The following GSR variants were observed in gnomAD, a reference collection of about 807,000 sequenced individuals.
GSR encodes the protein glutathione reductase, mitochondrial.
In GSR, 48 loss-of-function variants were observed where a neutral mutation model predicts 56.5. The ratio of observed to expected loss-of-function variants is 0.85; its 90% CI spans 0.67 to 1.08. The LOEUF (loss-of-function observed/expected upper bound fraction) is 1.08. Among genes scored for constraint, GSR ranks in the 50% least tolerant of loss-of-function variants. The pLI is 0.00. For missense variants in GSR, 694 were observed against 703.3 expected (o/e 0.99, Z 0.15); for synonymous variants, 264 against 270.8 (o/e 0.97, Z 0.25).
intron 1 of GSR, among the ~76,000 whole-genome samples, chr8:30,718,747 C>A (rs945580118): frequency 6.6e-6 from 1 of 151,914 alleles, no homozygotes; most frequent in Admixed American, 6.6e-5. Context: ...GGATAAGAAA[C>A]AAGTTTCTTT....
intron 1 of GSR, among the ~76,000 whole-genome samples, chr8:30,723,838 A>C (rs1314228384): frequency 6.6e-6 from 1 of 152,006 alleles, no homozygotes; most frequent in African/African-American, 2.4e-5. Flanking sequence ...GCTGGGACCT[A>C]GTACAGGAGA....
At position 30,722,453 on chromosome 8, in the gene GSR, C is replaced by T. The variant is rs138965200; in HGVS notation, c.306+5077G>A. Among the ~76,000 whole-genome samples the T allele has an allele frequency of 3.8e-3, 583 of 152,192 alleles. 2 individuals are homozygous for T. Among genetic ancestry groups the T allele is most frequent in the African/African-American group, 0.013 (546 of 41,516 alleles). ...TAATAATGCATGTTCAGGCTGGGCACGGTGGCTCATGCCTGTAATCCCAGC... is the reference window on the plus strand; with the variant it reads ...TAATAATGCATGTTCAGGCTGGGCATGGTGGCTCATGCCTGTAATCCCAGC... On this transcript the variant is annotated intron_variant, in intron 1 of 12. Transcript: ENST00000221130.
chr8:30,711,789 C>T (rs192469968), intron 2 of GSR, among the ~76,000 whole-genome samples: 4 of 151,954 alleles, frequency 2.6e-5, no homozygotes, highest in East Asian at 3.9e-4. Context: ...GCCAAGATCG[C>T]GCCACTGTAC....
intron 12 of GSR, 127 bp from the exon 13 acceptor site, chr8:30,679,796 C>T (rs1187446097): frequency 7.3e-6 from 6 of 816,374 alleles, no homozygotes; most frequent in Admixed American, 2.2e-5. Context: ...ACCTCCACCT[C>T]CCGGGTTCAA....
chr8:30,718,207 G>A (rs1804403816), intron 1 of GSR, among the ~76,000 whole-genome samples: 1 of 152,132 alleles, frequency 6.6e-6, no homozygotes, highest in Non-Finnish European at 1.5e-5. Flanking sequence ...TGGAAAAATT[G>A]TCTTCCACAA....
chr8:30,718,074 C>G (rs928414812), intron 1 of GSR, among the ~76,000 whole-genome samples: 1 of 151,660 alleles, frequency 6.6e-6, no homozygotes, highest in Non-Finnish European at 1.5e-5. Context: ...GCACTCCAGC[C>G]TGGGCAACAA....
chr8:30,710,973 A>G (rs567282434), intron 2 of GSR, among the ~76,000 whole-genome samples: 1 of 152,174 alleles, frequency 6.6e-6, no homozygotes, highest in African/African-American at 2.4e-5. Context: ...ATTAATTTAT[A>G]TAATTCATAC....
At chr8:30,681,104 G>C (rs556503748) in intron 11 of GSR, 67 bp from the exon 12 acceptor site, 27 of 1,303,018 alleles carry the variant, frequency 2.1e-5, no homozygotes, top group Non-Finnish European at 3.0e-5. Flanking sequence ...ATCAAAGAGG[G>C]AGATGACCAG....
intron 8 of GSR, among the ~76,000 whole-genome samples, chr8:30,691,543 T>C (rs1803377743): frequency 6.7e-6 from 1 of 149,516 alleles, no homozygotes; most frequent in Admixed American, 6.7e-5. Context: ...TAGCCAGGCA[T>C]GGTGGTGCGT....
intron 5 of GSR, among the ~76,000 whole-genome samples, chr8:30,700,977 T>A (rs1803717304): frequency 6.6e-6 from 1 of 152,154 alleles, no homozygotes; most frequent in Non-Finnish European, 1.5e-5. Flanking sequence ...TCTAACTATC[T>A]CGCCACACAA....
intron 2 of GSR, among the ~76,000 whole-genome samples, chr8:30,710,454 T>C (rs1804089578): frequency 6.6e-6 from 1 of 150,982 alleles, no homozygotes; most frequent in Admixed American, 6.6e-5. Flanking sequence ...CAGTGGCTCA[T>C]GACTATAATC....
chr8:30,710,184 C>T (rs1586060557), intron 2 of GSR, among the ~76,000 whole-genome samples: 1 of 151,828 alleles, frequency 6.6e-6, no homozygotes, highest in African/African-American at 2.4e-5. Flanking sequence ...GGTATGGTGG[C>T]ACACACCTGT....
intron 7 of GSR, among the ~76,000 whole-genome samples, chr8:30,693,278 T>C (rs951159439): frequency 3.3e-5 from 5 of 152,196 alleles, no homozygotes; most frequent in Admixed American, 1.3e-4. Context: ...TACAGTTAAA[T>C]GGACAGCCAT....
intron 6 of GSR, among the ~76,000 whole-genome samples, chr8:30,698,461 G>T (rs1803621211): frequency 6.6e-6 from 1 of 152,150 alleles, no homozygotes; most frequent in Non-Finnish European, 1.5e-5. Flanking sequence ...GGATCACAGG[G>T]AAGGAAGGCT....
At chr8:30,720,086 C>A (rs910939293) in intron 1 of GSR, among the ~76,000 whole-genome samples, 1 of 152,006 alleles carries the variant, frequency 6.6e-6, no homozygotes, top group African/African-American at 2.4e-5. Context: ...TGGTGTTGCA[C>A]GCCTGTAGTC....
intron 6 of GSR, among the ~76,000 whole-genome samples, chr8:30,697,591 G>A (rs530570403): frequency 3.0e-4 from 45 of 152,220 alleles, no homozygotes; most frequent in African/African-American, 9.6e-4. Context: ...CTATACCACT[G>A]CAGTCCAGCC....
In GSR at chr8:30,678,764, G is replaced by T. The variant is rs1165014721; in HGVS notation, c.*756C>A. On this transcript the variant is annotated 3_prime_UTR_variant, in exon 13 of 13. Coordinates refer to ENST00000221130, the MANE Select transcript of GSR (RefSeq NM_000637.5). ...AAGGTCTCATCCTTGAAGCAGCTTT[G>T]TTATATGCAGAGCACAGTACTGGCT... 1 of 152,148 alleles carries T rather than the reference G, an allele frequency of 6.6e-6. No homozygotes were observed. Among genetic ancestry groups the T allele is most frequent in the Non-Finnish European group, 1.5e-5 (1 of 68,030 alleles). The allele number at this position is 152,148 out of a possible 1,614,324, so 9.4% of individuals were successfully genotyped here.
At chr8:30,700,194 CACA>C (rs1348537481) in intron 5 of GSR, 59 bp from the exon 6 acceptor site, 19 of 1,224,358 alleles carry the variant, frequency 1.6e-5, no homozygotes, top group Admixed American at 5.0e-5. Context: ...GCAAAGTAAT[CACA>C]ACATTTTATG....
chr8:30,702,497 C>T (rs1803778049), intron 5 of GSR, among the ~76,000 whole-genome samples: 1 of 152,066 alleles, frequency 6.6e-6, no homozygotes, highest in Non-Finnish European at 1.5e-5. Context: ...CTCTCTTGAA[C>T]AAAACAATAA....
Sources: gnomAD v4.1 joint callset for allele counts (sites outside exome capture counted in the v4.1 genomes callset) on GRCh38, gnomAD v4.1.1 for gene constraint, MANE v1.5 for transcripts, NCBI Gene and HGNC (gene_info 2026-07-23, HGNC 2026-07-21) for gene names.